The following ATPSCKMT variants were observed in gnomAD, a reference collection of about 807,000 sequenced individuals.
The protein encoded by ATPSCKMT is ATP synthase c subunit lysine N-methyltransferase.
ATPSCKMT carries 24 observed loss-of-function variants against 24.3 expected under a neutral mutation model. The ratio of observed to expected loss-of-function variants is 0.99; its 90% CI spans 0.71 to 1.39. ATPSCKMT has a LOEUF of 1.39. Ranked by LOEUF, ATPSCKMT falls within the 40% of genes most tolerant of loss-of-function variation. The pLI is 0.00. For synonymous variants in ATPSCKMT, 95 were observed against 110.5 expected (o/e 0.86, Z 0.88); for missense variants, 311 against 298.4 (o/e 1.04, Z -0.31).
intron 2 of ATPSCKMT, among the ~76,000 whole-genome samples, chr5:10,237,557 T>G (rs1321721491): frequency 6.6e-6 from 1 of 152,068 alleles, no homozygotes; most frequent in South Asian, 2.1e-4. Context: ...AGGGGGAGTT[T>G]CCCTGCGCAA....
chr5:10,249,644 G>C, intron 1 of ATPSCKMT: 1 of 722,008 alleles, frequency 1.4e-6, no homozygotes, highest in South Asian at 2.4e-5. Flanking sequence ...CAGTCTCTGG[G>C]GAAACGCGCC....
At chr5:10,235,119 T>A (rs981378962) in intron 4 of ATPSCKMT, 92 bp downstream of exon 4, 2 of 1,132,038 alleles carry the variant, frequency 1.8e-6, no homozygotes, top group African/African-American at 3.1e-5. Flanking sequence ...TGGGAGGCCA[T>A]CACCCTCACA....
Position 10,239,204 on chromosome 5 carries a change from G to A in ATPSCKMT, c.169C>T (p.Pro57Ser), listed in dbSNP as rs769254963. ...TTTCGAAGGGCTGGCGTTACAAACG[G>A]CGTGGCTACAGCGTACACAGCCACC... ...TLVAVYAVATPFVTPALRKVC... is the reference protein window; with the variant it reads ...TLVAVYAVATSFVTPALRKVC... The change falls in exon 2 of 5, where the codon CCG (proline) becomes TCG (serine). Residue 57 changes from proline (P) to serine (S), a missense_variant. Coordinates refer to ENST00000511437, the MANE Select transcript of ATPSCKMT (RefSeq NM_199133.4). 1.2e-6 allele frequency: 2 copies of A among 1,614,162 alleles called. No homozygotes were observed. Among genetic ancestry groups the A allele is most frequent in the East Asian group, 2.2e-5 (1 of 44,888 alleles).
intron 1 of ATPSCKMT, among the ~76,000 whole-genome samples, chr5:10,241,251 C>G (rs1449332112): frequency 2.6e-5 from 4 of 152,168 alleles, no homozygotes; most frequent in African/African-American, 9.7e-5. Context: ...CATGATAACA[C>G]TGGGCCCACA....
rs530446728 is a variant in ATPSCKMT, at chr5:10,226,160, ATTTG to A, written c.*1277_*1280del. ...CACACACACTAAGATTCCCTTGCTT[ATTTG>A]TTTGTCTCTCCTTTCCAGAATAGGA... On this transcript the variant is annotated 3_prime_UTR_variant, in exon 5 of 5. Coordinates refer to ENST00000511437, the MANE Select transcript of ATPSCKMT (RefSeq NM_199133.4). 7.8e-4 allele frequency among the ~76,000 whole-genome samples: 118 copies of A among 152,214 alleles called. No homozygotes were observed. Among genetic ancestry groups the A allele is most frequent in the African/African-American group, 2.7e-3 (112 of 41,534 alleles).
intron 1 of ATPSCKMT, among the ~76,000 whole-genome samples, chr5:10,242,540 A>G (rs1298107275): frequency 6.6e-6 from 1 of 152,222 alleles, no homozygotes; most frequent in Non-Finnish European, 1.5e-5. Context: ...AAAGTCATCC[A>G]TGAGGATTGA....
chr5:10,237,393 A>G (rs1335730382), intron 2 of ATPSCKMT, among the ~76,000 whole-genome samples: 1 of 152,210 alleles, frequency 6.6e-6, no homozygotes, highest in African/African-American at 2.4e-5. Flanking sequence ...ATTTATTGAT[A>G]TGGTTTGGCT....
At chr5:10,249,013 G>C (rs1745127919) in intron 1 of ATPSCKMT, among the ~76,000 whole-genome samples, 1 of 152,054 alleles carries the variant, frequency 6.6e-6, no homozygotes, top group Non-Finnish European at 1.5e-5. Flanking sequence ...CGGTGGCTCA[G>C]GCCCAACACT....
chr5:10,227,714 G>C (rs202138222), intron 4 of ATPSCKMT, 67 bp from the exon 5 acceptor site: 5 of 1,089,902 alleles, frequency 4.6e-6, no homozygotes, highest in African/African-American at 3.1e-5. Context: ...AAAATTTCCT[G>C]TTTTTAAGAG....
chr5:10,237,832 C>T (rs1744443702), intron 2 of ATPSCKMT, among the ~76,000 whole-genome samples: 1 of 152,064 alleles, frequency 6.6e-6, no homozygotes, highest in Admixed American at 6.6e-5. Context: ...CTTCAGCCTC[C>T]GCCTCCCAGG....
chr5:10,235,263 T>C lies in ATPSCKMT; in HGVS notation c.445-2A>G, dbSNP rs1561028421. ...GTTCGAGTACTGCGAAAAAGTAACCTGAACAAGGTGGGAAAATAATCAGTA... is the reference window on the plus strand; with the variant it reads ...GTTCGAGTACTGCGAAAAAGTAACCCGAACAAGGTGGGAAAATAATCAGTA... On this transcript the variant is annotated splice_acceptor_variant, in intron 3 of 4. Transcript: ENST00000511437. LOFTEE classifies it high-confidence loss of function. The C allele has an allele frequency of 1.2e-6, 2 of 1,612,562 alleles. No homozygotes were observed. The highest frequency in any genetic ancestry group is 1.1e-5 in the South Asian group (1 of 90,880).
intron 4 of ATPSCKMT, among the ~76,000 whole-genome samples, chr5:10,234,727 A>G (rs1417210689): frequency 6.6e-6 from 1 of 152,234 alleles, no homozygotes; most frequent in Non-Finnish European, 1.5e-5. Flanking sequence ...TTTTGAAAGT[A>G]CATAATCAAA....
intron 2 of ATPSCKMT, chr5:10,237,129 G>C (rs1246236393): frequency 5.9e-6 from 5 of 851,076 alleles, no homozygotes; most frequent in Non-Finnish European, 8.4e-6. Context: ...AAAGTAAAAT[G>C]AAATGAATCC....
At position 10,225,909 on chromosome 5, in the gene ATPSCKMT, C is replaced by G. The variant is rs749002345; in HGVS notation, c.*1532G>C. On this transcript the variant is annotated 3_prime_UTR_variant, in exon 5 of 5. Transcript: ENST00000511437. ...GAGTGTGCCCAGACCAGTTACAGGACTGGTTACAGTGGAAGGCAACTGAGA... is the reference window on the plus strand; with the variant it reads ...GAGTGTGCCCAGACCAGTTACAGGAGTGGTTACAGTGGAAGGCAACTGAGA... Among the ~76,000 whole-genome samples, 3 of 152,184 alleles carry G rather than the reference C, an allele frequency of 2.0e-5. No homozygotes were observed. The highest frequency in any genetic ancestry group is 4.4e-5 in the Non-Finnish European group (3 of 68,040).
At chr5:10,236,787 G>GT (rs1744395175) in intron 2 of ATPSCKMT, 172 bp from the exon 3 acceptor site, 13 of 1,473,474 alleles carry the variant, frequency 8.8e-6, no homozygotes, top group Non-Finnish European at 1.1e-5. Flanking sequence ...TGTGGACAAC[G>GT]TAATAGTCAA....
chr5:10,239,766 C>T (rs2126450657), intron 1 of ATPSCKMT, among the ~76,000 whole-genome samples: 1 of 152,236 alleles, frequency 6.6e-6, no homozygotes, highest in Middle Eastern at 3.4e-3. Flanking sequence ...CTAATTATTA[C>T]CCAATTTCAA....
intron 2 of ATPSCKMT, 80 bp from the exon 3 acceptor site, chr5:10,236,695 C>A (rs1744390771): frequency 1.9e-6 from 3 of 1,559,800 alleles, no homozygotes; most frequent in Non-Finnish European, 2.6e-6. Context: ...TATTTCCTAT[C>A]AATGGTTTAA....
At chr5:10,231,894 T>C (rs1190638418) in intron 4 of ATPSCKMT, among the ~76,000 whole-genome samples, 1 of 152,206 alleles carries the variant, frequency 6.6e-6, no homozygotes, top group Non-Finnish European at 1.5e-5. Flanking sequence ...AACATAATGA[T>C]AATATTTTTG....
chr5:10,249,219 A>T (rs1234598066), intron 1 of ATPSCKMT, among the ~76,000 whole-genome samples: 1 of 148,686 alleles, frequency 6.7e-6, no homozygotes, highest in Non-Finnish European at 1.5e-5. Context: ...CAGTGAGCCG[A>T]GACCGCGCCA....
Sources: allele counts gnomAD v4.1 joint callset (sites outside exome capture counted in the v4.1 genomes callset), GRCh38; gene constraint gnomAD v4.1.1; transcripts MANE v1.5; gene names NCBI Gene and HGNC (gene_info 2026-07-23, HGNC 2026-07-21).